Variants in KDM7A observed in about 807,000 individuals in gnomAD.
KDM7A encodes lysine-specific demethylase 7A.
Under a neutral mutation model 114.8 loss-of-function variants are expected in KDM7A, and 28 were observed. That is an observed-to-expected ratio of 0.24 (90% CI 0.18 to 0.33). KDM7A has a LOEUF of 0.33. Ranked by LOEUF, KDM7A falls within the 10% of genes least tolerant of loss-of-function variation. KDM7A has a pLI of 1.00. For missense variants in KDM7A, 942 were observed against 1,142.5 expected (o/e 0.82, Z 2.53); for synonymous variants, 423 against 397.8 (o/e 1.06, Z -0.75).
In KDM7A at chr7:140,135,900, TAAAAGA is replaced by T. The variant is rs1818862792; in HGVS notation, c.281-2250_281-2245del. Among the ~76,000 whole-genome samples the T allele has an allele frequency of 2.5e-5, 3 of 122,040 alleles. No individual in the cohort carries two copies. In the Admixed American group the frequency reaches 2.8e-4, roughly 12 times the overall value. 80.1% of individuals were successfully genotyped at this position (122,040 alleles called of 152,430 possible). On this transcript the variant is annotated intron_variant, in intron 2 of 19. Transcript: ENST00000397560. ...TGGGTTAACAATGGGCATCAGTACT[TAAAAGA>T]AAAAAAAAAAAAAGGCAGCCCATTT... is the stretch of plus-strand genomic sequence containing the variant.
chr7:140,135,627 C>T (rs987950363), intron 2 of KDM7A, among the ~76,000 whole-genome samples: 27 of 151,452 alleles, frequency 1.8e-4, no homozygotes, highest in African/African-American at 6.3e-4. Flanking sequence ...GTAGATATAC[C>T]ATATTATAAT....
intron 11 of KDM7A, among the ~76,000 whole-genome samples, chr7:140,107,571 G>A (rs572401673): frequency 6.6e-6 from 1 of 152,144 alleles, no homozygotes; most frequent in Non-Finnish European, 1.5e-5. Flanking sequence ...GTTGAAAATT[G>A]TTTTCTTCAA....
chr7:140,106,733 C>T (rs949477630), intron 11 of KDM7A, among the ~76,000 whole-genome samples: 51 of 152,210 alleles, frequency 3.4e-4, no homozygotes, highest in Admixed American at 1.0e-3. Context: ...GGAATAAGTG[C>T]GACGTAGTGC....
intron 1 of KDM7A, among the ~76,000 whole-genome samples, chr7:140,167,981 G>T (rs1202821923): frequency 6.6e-6 from 1 of 152,150 alleles, no homozygotes; most frequent in Non-Finnish European, 1.5e-5. Context: ...ATTCTTGAAA[G>T]AATATGGTCC....
At chr7:140,150,852 G>A (rs1408463199) in intron 1 of KDM7A, among the ~76,000 whole-genome samples, 4 of 136,500 alleles carry the variant, frequency 2.9e-5, no homozygotes, top group Non-Finnish European at 3.1e-5. Context: ...TTTTTGAGAC[G>A]AGTTCCACTC....
chr7:140,129,172 C>T (rs1196716340), intron 4 of KDM7A, among the ~76,000 whole-genome samples: 1 of 152,172 alleles, frequency 6.6e-6, no homozygotes, highest in African/African-American at 2.4e-5. Flanking sequence ...ACCAATCCAA[C>T]TTTCCAATAT....
rs1222105153 is a variant in KDM7A, at chr7:140,176,697, TCGGTGGCCGG to T, written c.194+37_194+46del. ...GGCGGCCGGCGGCGGCGGCGGTTGG[TCGGTGGCCGG>T]CGGTGGCGGCTGCGGGGCTGGAGGG... On this transcript the variant is annotated intron_variant, in intron 1 of 19. Coordinates refer to ENST00000397560, the MANE Select transcript of KDM7A (RefSeq NM_030647.2). This position sits in a 1 kb window ranked among gnomAD's most constrained non-coding sequence, Gnocchi z 4.4. The T allele has an allele frequency of 4.4e-6, 5 of 1,148,266 alleles. No individual in the cohort carries two copies. Among genetic ancestry groups the T allele is most frequent in the East Asian group, 5.9e-5 (1 of 16,844 alleles). The allele number at this position is 1,148,266 out of a possible 1,614,324, so 71.1% of individuals were successfully genotyped here.
intron 1 of KDM7A, among the ~76,000 whole-genome samples, chr7:140,169,322 A>C (rs994966388): frequency 6.6e-6 from 1 of 152,192 alleles, no homozygotes; most frequent in African/African-American, 2.4e-5. Flanking sequence ...TTATCTCAAA[A>C]TTTAAATTGC....
At chr7:140,169,929 G>A (rs890739682) in intron 1 of KDM7A, among the ~76,000 whole-genome samples, 1 of 152,186 alleles carries the variant, frequency 6.6e-6, no homozygotes, top group Admixed American at 6.6e-5. Context: ...CAGCAAAATT[G>A]TGTATAAATT....
intron 2 of KDM7A, among the ~76,000 whole-genome samples, chr7:140,138,406 A>C (rs942323261): frequency 1.3e-5 from 2 of 152,222 alleles, no homozygotes; most frequent in African/African-American, 4.8e-5. Context: ...CACCTGTAAA[A>C]GATTCTGAAG....
Position 140,094,430 on chromosome 7 carries a change from G to A in KDM7A, c.2375-292C>T, listed in dbSNP as rs568578914. Among the ~76,000 whole-genome samples, 815 of 152,124 alleles carry A rather than the reference G, an allele frequency of 5.4e-3. 2 individuals carry two copies. The highest frequency in any genetic ancestry group is 0.019 in the African/African-American group (778 of 41,490). On this transcript the variant is annotated intron_variant, in intron 17 of 19. Transcript: ENST00000397560. ...CGAGGCACGAGAATCACTTGAACCC[G>A]AGAGGTGGAGGTTGCAGTGAGTTGA...
Position 140,086,039 on chromosome 7 carries a change from G to T in KDM7A, c.*5055C>A, listed in dbSNP as rs1562941253. The T allele has an allele frequency of 6.6e-6, 1 of 152,120 alleles. No homozygotes were observed. Among genetic ancestry groups the T allele is most frequent in the East Asian group, 1.9e-4 (1 of 5,190 alleles). The allele number at this position is 152,120 out of a possible 1,614,324, so 9.4% of individuals were successfully genotyped here. A position where few individuals can be genotyped will look rare whatever the true frequency, so the allele number is the denominator to read the frequency against. ...CTTGGAGGAAAACAGCTGACATTTT[G>T]AAAAAGAAATGGCCAAAATGAAACT... On this transcript the variant is annotated 3_prime_UTR_variant, in exon 20 of 20. Transcript: ENST00000397560.
In KDM7A at chr7:140,085,907, T is replaced by C. The variant is rs1206560847; in HGVS notation, c.*5187A>G. On this transcript the variant is annotated 3_prime_UTR_variant, in exon 20 of 20. Coordinates refer to ENST00000397560, the MANE Select transcript of KDM7A (RefSeq NM_030647.2). The stretch of plus-strand genomic sequence containing the variant: ...ATTTTACATTTAATGCTGGTAAGTT[T>C]TACCAACCAAAATACACCAAAGAAA... The C allele has an allele frequency of 3.9e-5, 6 of 152,212 alleles. No individual in the cohort carries two copies. Among genetic ancestry groups the C allele is most frequent in the African/African-American group, 1.4e-4 (6 of 41,452 alleles). 9.4% of individuals were successfully genotyped at this position (152,212 alleles called of 1,614,324 possible).
At chr7:140,117,981 T>C (rs1185330118) in intron 9 of KDM7A, among the ~76,000 whole-genome samples, 3 of 152,374 alleles carry the variant, frequency 2.0e-5, no homozygotes, top group Non-Finnish European at 4.4e-5. Flanking sequence ...ACCATTGTTA[T>C]ATGAGTTTTA....
In KDM7A at chr7:140,090,336, A is replaced by G. The variant is rs993909390; in HGVS notation, c.*758T>C. ...ATTGGCTACGAAAGTGTTTCCCTGCAAAGAGAAGAGTCTTACTGGGTCATC... is the reference window on the plus strand; with the variant it reads ...ATTGGCTACGAAAGTGTTTCCCTGCGAAGAGAAGAGTCTTACTGGGTCATC... On this transcript the variant is annotated 3_prime_UTR_variant, in exon 20 of 20. Coordinates refer to ENST00000397560, the MANE Select transcript of KDM7A (RefSeq NM_030647.2). The G allele has an allele frequency of 6.6e-6, 1 of 152,156 alleles. No homozygotes were observed. Among genetic ancestry groups the G allele is most frequent in the Non-Finnish European group, 1.5e-5 (1 of 68,022 alleles). The allele number at this position is 152,156 out of a possible 1,614,324, so 9.4% of individuals were successfully genotyped here. A position where few individuals can be genotyped will look rare whatever the true frequency, so the allele number is the denominator to read the frequency against.
chr7:140,149,586 CCTA>C (rs1794376615), intron 1 of KDM7A, among the ~76,000 whole-genome samples: 1 of 152,210 alleles, frequency 6.6e-6, no homozygotes, highest in South Asian at 2.1e-4. Context: ...TATTCCTCAG[CCTA>C]CTTTCTGCCT....
At chr7:140,114,759 G>A (rs1017832150) in intron 9 of KDM7A, among the ~76,000 whole-genome samples, 3 of 149,580 alleles carry the variant, frequency 2.0e-5, no homozygotes, top group South Asian at 4.2e-4. Context: ...TCTGAGATGT[G>A]GGGAGCGCCT....
intron 1 of KDM7A, among the ~76,000 whole-genome samples, chr7:140,145,295 G>GT (rs941160447): frequency 2.8e-4 from 42 of 152,132 alleles, no homozygotes; most frequent in Non-Finnish European, 5.9e-5. Flanking sequence ...CCCGTGAAAT[G>GT]TAAGTGGTCA....
At chr7:140,145,222 G>C (rs1247809358) in intron 1 of KDM7A, among the ~76,000 whole-genome samples, 1 of 152,074 alleles carries the variant, frequency 6.6e-6, no homozygotes, top group Non-Finnish European at 1.5e-5. Flanking sequence ...TCCAGAGTTG[G>C]GGTTTTTGTA....
Sources: gnomAD v4.1 joint callset for allele counts (sites outside exome capture counted in the v4.1 genomes callset) on GRCh38, gnomAD v4.1.1 for gene constraint, Gnocchi (gnomAD v3.1) non-coding constraint, MANE v1.5 for transcripts, NCBI Gene and HGNC (gene_info 2026-07-23, HGNC 2026-07-21) for gene names.